Variants in UHRF2 observed in about 807,000 individuals in gnomAD.
UHRF2 encodes the protein ubiquitin like with PHD and ring finger domains 2.
A neutral mutation model predicts 96.8 loss-of-function variants in UHRF2; 23 were observed. The ratio of observed to expected loss-of-function variants is 0.24; its 90% confidence interval spans 0.17 to 0.34. The LOEUF (loss-of-function observed/expected upper bound fraction) is 0.34, where lower values mean the gene tolerates loss of function less well. Ranked by LOEUF, UHRF2 falls within the 10% of genes least tolerant of loss-of-function variation. The pLI is 1.00. For missense variants in UHRF2, 685 were observed against 981.5 expected, an observed-to-expected ratio of 0.70 and a Z score of 4.04; for synonymous variants, 385 against 332.6, an observed-to-expected ratio of 1.16 and a Z score of -1.72.
chr9:6,462,617 C>T (rs1432461917), intron 4 of UHRF2, among the ~76,000 whole-genome samples: 2 of 152,034 alleles, frequency 1.3e-5, no homozygotes, highest in African/African-American at 4.8e-5. Context: ...AAAAAGCTTG[C>T]TATTAAAAAA....
In UHRF2 at chr9:6,431,659, T is replaced by C. The variant is rs528848841; in HGVS notation, c.385-2255T>C. ...AATGCCCTACCTTTGTGAGCTGATA[T>C]GTTCTATGTGTTGATGTTCAAGCAA... On this transcript the variant is annotated intron_variant, in intron 2 of 15. Transcript: ENST00000276893. Among the ~76,000 whole-genome samples, 14 of 152,284 alleles carry C rather than the reference T, an allele frequency of 9.2e-5. No homozygotes were observed. In the East Asian group the frequency reaches 9.6e-4, roughly 10 times the overall value.
chr9:6,468,748 G>A, intron 4 of UHRF2: 1 of 451,814 alleles, frequency 2.2e-6, no homozygotes, highest in South Asian at 1.6e-5. Flanking sequence ...GCATACACTG[G>A]ATTTTAGGGT....
At chr9:6,417,677 G>A (rs10739098) in intron 1 of UHRF2, among the ~76,000 whole-genome samples, 108,719 of 151,966 alleles carry the variant, frequency 0.72, 40,841 homozygotes, top group South Asian at 0.83. Flanking sequence ...GATAATCTGG[G>A]TTTAAAAAGC....
intron 2 of UHRF2, among the ~76,000 whole-genome samples, chr9:6,428,379 G>A (rs767889227): frequency 6.6e-6 from 1 of 151,868 alleles, no homozygotes; most frequent in Non-Finnish European, 1.5e-5. Context: ...CTGCTACCCA[G>A]ACTTCTATGG....
rs772184475 is a variant in UHRF2, at chr9:6,445,998, T to TTTTTTTTTTTTTC, written c.644+11827_644+11828insTTTTTTTTTTCTT. Among the ~76,000 whole-genome samples, 184 of 129,842 alleles carry TTTTTTTTTTTTTC rather than the reference T, an allele frequency of 1.4e-3. 2 individuals carry two copies. The highest frequency in any genetic ancestry group is 4.1e-3 in the Middle Eastern group (1 of 242). 85.2% of individuals were successfully genotyped at this position (129,842 alleles called of 152,430 possible). A position where few individuals can be genotyped will look rare whatever the true frequency, so the allele number is the denominator to read the frequency against. ...CCGCCACCCTTTTTTTTTTTTTTTT[T>TTTTTTTTTTTTTC]TTCCTGTTTTTGAGATAGAGTCTCA... On this transcript the variant is annotated intron_variant, in intron 3 of 15. Transcript: ENST00000276893.
chr9:6,421,109 C>A lies in UHRF2; in HGVS notation c.351C>A (p.Ala117=), dbSNP rs950382416. The A allele has an allele frequency of 6.2e-7, 1 of 1,613,852 alleles. No individual in the cohort carries two copies. Among genetic ancestry groups the A allele is most frequent in the Non-Finnish European group, 8.5e-7 (1 of 1,179,996 alleles). ...PSNQPSTSAR[A]RLIDPGFGIY... is the part of the protein sequence containing the mutation. ...ATCAGCCATCTACATCAGCTCGTGC[C>A]CGTCTTATTGATCCTGGCTTTGGAA... The change falls in exon 2 of 16, where the codon GCC becomes GCA. Residue 117 remains alanine, a synonymous_variant. Transcript: ENST00000276893.
chr9:6,463,595 G>A (rs988593705), intron 4 of UHRF2, among the ~76,000 whole-genome samples: 2 of 151,678 alleles, frequency 1.3e-5, no homozygotes, highest in South Asian at 2.1e-4. Flanking sequence ...CGCAGCCACC[G>A]GAGTAGCTGG....
chr9:6,431,156 T>G (rs1240698615), intron 2 of UHRF2, among the ~76,000 whole-genome samples: 1 of 152,236 alleles, frequency 6.6e-6, no homozygotes, highest in Admixed American at 6.5e-5. Flanking sequence ...TGCATGCATC[T>G]TGGCCTATTC....
In UHRF2 at chr9:6,506,107, C is replaced by T. The variant is rs753134061; in HGVS notation, c.2337C>T (p.Tyr779=). 39 of 1,614,208 alleles carry T rather than the reference C, an allele frequency of 2.4e-5. No individual in the cohort carries two copies. Among genetic ancestry groups the T allele is most frequent in the East Asian group, 6.7e-5 (3 of 44,886 alleles). Reference sequence around the variant, plus strand: ...GCCGGCATGATCTTGGCCAGAATTACATCATGATTCCCAATGAGATTCTGC... The same window carrying T: ...GCCGGCATGATCTTGGCCAGAATTATATCATGATTCCCAATGAGATTCTGC... ...PACRHDLGQN[Y]IMIPNEILQT... Residue 779 remains tyrosine, a synonymous_variant, in exon 16 of 16, where the codon TAC becomes TAT. Transcript: ENST00000276893.
Position 6,470,652 on chromosome 9 carries a change from GACA to G in UHRF2, c.864-4734_864-4732del, listed in dbSNP as rs545712636. ...AAATATACATAGAAAAAAAATGCGT[GACA>G]ACAATAATGCAGAAGATGGGGTTGG... On this transcript the variant is annotated intron_variant, in intron 4 of 15. Transcript: ENST00000276893. Among the ~76,000 whole-genome samples the G allele has an allele frequency of 2.8e-3, 422 of 152,238 alleles. 1 individual carries two copies. The highest frequency in any genetic ancestry group is 2.6e-3 in the Non-Finnish European group (177 of 68,014).
chr9:6,445,386 C>T (rs914840341), intron 3 of UHRF2, among the ~76,000 whole-genome samples: 1 of 152,056 alleles, frequency 6.6e-6, no homozygotes. Flanking sequence ...GCTTCAGCCT[C>T]CTGAGTAACG....
Position 6,413,610 on chromosome 9 carries a change from C to A in UHRF2, c.120C>A (p.Pro40=). ...ERVWALFDVR[P]ECQRLFYRGK... is the part of the protein sequence containing the mutation. ...TGTGGGCGCTGTTCGACGTGCGGCC[C>A]GAATGCCAGCGCCTCTTCTACCGGG... The change falls in exon 1 of 16, where the codon CCC becomes CCA. Residue 40 remains proline (P), a synonymous_variant. Transcript: ENST00000276893. 1 of 1,598,668 alleles carries A rather than the reference C, an allele frequency of 6.3e-7. No individual in the cohort carries two copies. Among genetic ancestry groups the A allele is most frequent in the Non-Finnish European group, 8.5e-7 (1 of 1,173,678 alleles).
chr9:6,462,565 A>G (rs547506461), intron 4 of UHRF2, among the ~76,000 whole-genome samples: 3 of 152,318 alleles, frequency 2.0e-5, no homozygotes, highest in African/African-American at 7.2e-5. Flanking sequence ...AGTAGAAAGC[A>G]TGTGTACACA....
intron 3 of UHRF2, among the ~76,000 whole-genome samples, chr9:6,439,050 A>T (rs1199730147): frequency 6.6e-6 from 1 of 152,206 alleles, no homozygotes; most frequent in Non-Finnish European, 1.5e-5. Flanking sequence ...ATTCCTTCAA[A>T]AATTACAGAT....
chr9:6,495,283 A>G (rs1265946245), intron 10 of UHRF2: 1 of 152,236 alleles, frequency 6.6e-6, no homozygotes. Context: ...CATGTTTTCT[A>G]TAAAGAGGAG....
chr9:6,475,589 G>T, intron 5 of UHRF2, 89 bp downstream of exon 5: 1 of 586,736 alleles, frequency 1.7e-6, no homozygotes, highest in East Asian at 3.1e-5. Context: ...TTGGAAGGAA[G>T]TATAAAACTG....
intron 3 of UHRF2, among the ~76,000 whole-genome samples, chr9:6,444,567 C>T (rs1354717837): frequency 1.3e-5 from 2 of 152,160 alleles, no homozygotes; most frequent in African/African-American, 4.8e-5. Context: ...CTCCCTGCTT[C>T]CTCATTGTGT....
At chr9:6,413,877 C>A in intron 1 of UHRF2, 1 of 420,934 alleles carries the variant, frequency 2.4e-6, no homozygotes, top group Non-Finnish European at 4.0e-6. Context: ...GAAGTGAGGG[C>A]GTCCGGAGCG....
At chr9:6,487,171 A>ATTTTTTATTTTTTATTTTTATT (rs1824337943) in intron 9 of UHRF2, among the ~76,000 whole-genome samples, 6 of 83,830 alleles carry the variant, frequency 7.2e-5, no homozygotes, top group African/African-American at 2.9e-4. Flanking sequence ...TAGAGCTTTT[A>ATTTTTTATTTTTTATTTTTATT]TTTTTTTTTC....
Sources: allele counts gnomAD v4.1 joint callset (sites outside exome capture counted in the v4.1 genomes callset), GRCh38; gene constraint gnomAD v4.1.1; transcripts MANE v1.5; gene names NCBI Gene and HGNC (gene_info 2026-07-23, HGNC 2026-07-21).